Variants in DOCK9 observed in about 807,000 individuals in gnomAD.
DOCK9 encodes the protein dedicator of cytokinesis protein 9.
Under a neutral mutation model 263.3 loss-of-function variants are expected in DOCK9, and 89 were observed. The observed-to-expected ratio is 0.34, with a 90% CI of 0.28 to 0.40. The LOEUF is 0.40. Among genes scored for constraint, DOCK9 ranks in the 10% least tolerant of loss-of-function variants. The probability of loss-of-function intolerance (pLI) is 1.00; values close to 1 mark genes in which losing one functional copy is unlikely to be tolerated. For missense variants in DOCK9, 2,140 were observed against 2,603.4 expected (o/e 0.82, Z 3.87); for synonymous variants, 976 against 973.1 (o/e 1.00, Z -0.06).
chr13:99,027,525 A>T (rs1178994921), intron 1 of DOCK9, among the ~76,000 whole-genome samples: 1 of 152,154 alleles, frequency 6.6e-6, no homozygotes, highest in Non-Finnish European at 1.5e-5. Context: ...GGCTGGGGAT[A>T]AGGGAACCGC....
chr13:99,079,869 G>A (rs560009785), intron 1 of DOCK9, among the ~76,000 whole-genome samples: 47 of 152,070 alleles, frequency 3.1e-4, no homozygotes, highest in African/African-American at 9.4e-4. Context: ...GTGAAACCCC[G>A]TCTCTACTAA....
At chr13:99,068,414 T>C (rs936151863) in intron 1 of DOCK9, among the ~76,000 whole-genome samples, 2 of 152,104 alleles carry the variant, frequency 1.3e-5, no homozygotes, top group Non-Finnish European at 2.9e-5. Flanking sequence ...GATAACCCCA[T>C]CTCTACTAAA....
At chr13:98,918,440 A>G (rs924715533) in intron 7 of DOCK9, among the ~76,000 whole-genome samples, 17 of 152,208 alleles carry the variant, frequency 1.1e-4, no homozygotes, top group African/African-American at 3.9e-4. Flanking sequence ...TATATGTTAT[A>G]CCTTATTTTC....
intron 1 of DOCK9, among the ~76,000 whole-genome samples, chr13:98,986,776 C>T (rs1878564076): frequency 6.6e-6 from 1 of 152,236 alleles, no homozygotes; most frequent in East Asian, 1.9e-4. Flanking sequence ...GTTGTTATTC[C>T]TGGGCCACAC....
chr13:99,021,804 G>A (rs1003311213), intron 1 of DOCK9, among the ~76,000 whole-genome samples: 1 of 152,016 alleles, frequency 6.6e-6, no homozygotes, highest in African/African-American at 2.4e-5. Flanking sequence ...GAACACCGGG[G>A]CCTGTCAAGG....
chr13:98,953,894 C>G (rs764113726), intron 2 of DOCK9, among the ~76,000 whole-genome samples: 18 of 152,146 alleles, frequency 1.2e-4, no homozygotes, highest in Non-Finnish European at 1.8e-4. Context: ...ATGGGCATTC[C>G]TTTTATGCAG....
chr13:98,800,851 T>C (rs569542666), intron 49 of DOCK9, among the ~76,000 whole-genome samples: 1 of 152,334 alleles, frequency 6.6e-6, no homozygotes, highest in Admixed American at 6.5e-5. Flanking sequence ...TTTGAGATAC[T>C]ACATAACAGA....
chr13:99,083,412 T>C (rs1188509524), intron 1 of DOCK9, among the ~76,000 whole-genome samples: 6 of 152,210 alleles, frequency 3.9e-5, no homozygotes, highest in Non-Finnish European at 8.8e-5. Flanking sequence ...AGTTGTTAAT[T>C]TTATTATGAC....
intron 3 of DOCK9, among the ~76,000 whole-genome samples, chr13:98,926,899 T>G (rs1221270732): frequency 6.6e-6 from 1 of 152,268 alleles, no homozygotes; most frequent in African/African-American, 2.4e-5. Flanking sequence ...CTATTCTGCT[T>G]CTTTCACTTC....
chr13:98,910,824 T>C (rs533829986), intron 9 of DOCK9, among the ~76,000 whole-genome samples: 1 of 152,180 alleles, frequency 6.6e-6, no homozygotes, highest in East Asian at 1.9e-4. Flanking sequence ...TCTTTACCTC[T>C]TCATACCCTG....
At chr13:98,860,297 T>A in intron 33 of DOCK9, 108 bp downstream of exon 33, 2 of 1,506,106 alleles carry the variant, frequency 1.3e-6, no homozygotes, top group Non-Finnish European at 1.8e-6. Context: ...GAAAGCAACT[T>A]AGACTTCAAG....
At chr13:98,887,826 C>G (rs1244744590) in intron 18 of DOCK9, among the ~76,000 whole-genome samples, 1 of 151,874 alleles carries the variant, frequency 6.6e-6, no homozygotes, top group Admixed American at 6.6e-5. Context: ...ATTATTATTT[C>G]TATGATCAAC....
At chr13:98,911,139 T>A (rs941541437) in intron 9 of DOCK9, among the ~76,000 whole-genome samples, 9 of 152,298 alleles carry the variant, frequency 5.9e-5, no homozygotes, top group African/African-American at 2.2e-4. Flanking sequence ...ATGTGCTGAG[T>A]GAATAACTCA....
At chr13:99,053,442 T>C (rs2040792531) in intron 1 of DOCK9, among the ~76,000 whole-genome samples, 1 of 152,198 alleles carries the variant, frequency 6.6e-6, no homozygotes, top group South Asian at 2.1e-4. Flanking sequence ...GAAAAAAACT[T>C]AGAATATAAA....
At position 98,853,525 on chromosome 13, in the gene DOCK9, AAAAAGAAAATAC is replaced by A. The variant is rs781499943; in HGVS notation, c.3832-15_3832-4del. ...CCCAATGTGCTACTTTGTTGGTGCT[AAAAAGAAAATAC>A]AGGTGATTTTTCTATTTAATTACGG... is the stretch of plus-strand genomic sequence containing the variant. On this transcript the variant is annotated splice_polypyrimidine_tract_variant and splice_region_variant and intron_variant, in intron 34 of 52. Transcript: ENST00000682017. 6.2e-7 allele frequency: 1 copy of A among 1,601,280 alleles called. No homozygotes were observed. The highest frequency in any genetic ancestry group is 1.1e-5 in the South Asian group (1 of 89,172).
intron 2 of DOCK9, among the ~76,000 whole-genome samples, chr13:98,938,078 T>G (rs758781528): frequency 2.6e-5 from 4 of 152,152 alleles, no homozygotes; most frequent in African/African-American, 9.7e-5. Flanking sequence ...GTGGAATCCC[T>G]CTCTCCTAAC....
At chr13:99,087,528 G>A (rs531247484), upstream of DOCK9, among the ~76,000 whole-genome samples, 158 of 152,210 alleles carry the variant, frequency 1.0e-3, 2 homozygotes, top group African/African-American at 3.4e-3. Flanking sequence ...ACGCAGAGCT[G>A]GCGGCCGCTA....
At chr13:98,878,841 G>T in intron 27 of DOCK9, among the ~76,000 whole-genome samples, 1 of 152,206 alleles carries the variant, frequency 6.6e-6, no homozygotes, top group East Asian at 1.9e-4. Context: ...AAATCTAGCA[G>T]GCTTTTCCAA....
intron 36 of DOCK9, 142 bp from the exon 37 acceptor site, chr13:98,848,781 T>C (rs1024778991): frequency 2.2e-5 from 19 of 869,644 alleles, no homozygotes; most frequent in African/African-American, 5.1e-5. Flanking sequence ...TTCAGAATGG[T>C]TTTTGGGAGT....
Sources: gnomAD v4.1 joint callset for allele counts (sites outside exome capture counted in the v4.1 genomes callset) on GRCh38, gnomAD v4.1.1 for gene constraint, MANE v1.5 for transcripts, NCBI Gene and HGNC (gene_info 2026-07-23, HGNC 2026-07-21) for gene names.